Variants in SLC26A4 observed in about 807,000 individuals in gnomAD.
The protein encoded by SLC26A4 is solute carrier family 26 member 4.
In SLC26A4, 93 loss-of-function variants were observed where a neutral mutation model predicts 90.4. That is an observed-to-expected ratio of 1.03 (90% CI 0.87 to 1.22). The LOEUF (loss-of-function observed/expected upper bound fraction) is 1.22, where lower values mean the gene tolerates loss of function less well. Ranked by LOEUF, SLC26A4 falls within the 50% of genes most tolerant of loss-of-function variation. The pLI is 0.00. For synonymous variants in SLC26A4, 393 were observed against 354.6 expected (o/e 1.11, Z -1.22); for missense variants, 1,127 against 946.2 (o/e 1.19, Z -2.51).
At chr7:107,693,639 C>T (rs1054544151) in intron 10 of SLC26A4, 1 of 985,800 alleles carries the variant, frequency 1.0e-6, no homozygotes, top group African/African-American at 1.7e-5. Context: ...TAGTCCCCAC[C>T]CCCTCAGCCT....
At chr7:107,706,897 C>T (rs1045440459) in intron 18 of SLC26A4, among the ~76,000 whole-genome samples, 6 of 152,114 alleles carry the variant, frequency 3.9e-5, no homozygotes, top group Non-Finnish European at 8.8e-5. Flanking sequence ...AGGCTGGGTG[C>T]GGTGGCTCAC....
Position 107,694,731 on chromosome 7 carries a change from A to C in SLC26A4, c.1437+15A>C, listed in dbSNP as rs750780389. 1 of 1,524,406 alleles carries C rather than the reference A, an allele frequency of 6.6e-7. No homozygotes were observed. The highest frequency in any genetic ancestry group is 2.2e-5 in the East Asian group (1 of 44,472). 94.4% of individuals were successfully genotyped at this position (1,524,406 alleles called of 1,614,324 possible). The stretch of plus-strand genomic sequence containing the variant: ...AGATTGATGCTGTAAGTCACCTACC[A>C]CCTATATTTATCTGAAATAAGATTT... On this transcript the variant is annotated intron_variant, in intron 12 of 20. Transcript: ENST00000644269.
At chr7:107,703,611 T>G (rs2129318629) in intron 17 of SLC26A4, among the ~76,000 whole-genome samples, 1 of 152,318 alleles carries the variant, frequency 6.6e-6, no homozygotes, top group Non-Finnish European at 1.5e-5. Context: ...GGGGACAGTC[T>G]TAACATATTT....
At chr7:107,666,459 T>A (rs2129309968) in intron 3 of SLC26A4, among the ~76,000 whole-genome samples, 1 of 152,266 alleles carries the variant, frequency 6.6e-6, no homozygotes, top group Non-Finnish European at 1.5e-5. Context: ...TAGGCTCAAG[T>A]TATCTGCCTG....
intron 8 of SLC26A4, among the ~76,000 whole-genome samples, chr7:107,686,405 T>TTC (rs1554357993): frequency 4.1e-4 from 34 of 82,522 alleles, no homozygotes; most frequent in Admixed American, 1.3e-3. Context: ...TCTCTCTCTT[T>TTC]TTTCTTTCTT....
At position 107,683,522 on chromosome 7, in the gene SLC26A4, A is replaced by T; in HGVS notation, c.986A>T (p.Lys329Ile). 6.2e-7 allele frequency: 1 copy of T among 1,613,594 alleles called. No individual in the cohort carries two copies. The highest frequency in any genetic ancestry group is 8.5e-7 in the Non-Finnish European group (1 of 1,179,628). The change falls in exon 8 of 21, where the codon AAA (lysine) becomes ATA (isoleucine). Residue 329 changes from lysine (K) to isoleucine (I), a missense_variant. Transcript: ENST00000644269. ...LEKNYNAGIV[K>I]SIPRGFLPPE... is the part of the protein sequence containing the mutation. ...AAAAATTACAATGCTGGCATTGTTAAATCCATCCCAAGGGGGTGAGTGTGG... is the reference window on the plus strand; with the variant it reads ...AAAAATTACAATGCTGGCATTGTTATATCCATCCCAAGGGGGTGAGTGTGG...
intron 13 of SLC26A4, among the ~76,000 whole-genome samples, chr7:107,696,836 C>T (rs531946282): frequency 3.3e-5 from 5 of 152,296 alleles, no homozygotes; most frequent in African/African-American, 1.2e-4. Flanking sequence ...TCTCTCCCTC[C>T]TCAATGTGTC....
intron 18 of SLC26A4, among the ~76,000 whole-genome samples, chr7:107,706,574 C>G (rs1422970679): frequency 6.6e-6 from 1 of 152,160 alleles, no homozygotes; most frequent in Non-Finnish European, 1.5e-5. Context: ...CCTGATGTAT[C>G]TAATATCTTG....
chr7:107,662,132 T>C, intron 2 of SLC26A4: 1 of 396,390 alleles, frequency 2.5e-6, no homozygotes, highest in South Asian at 3.7e-5. Context: ...CCCTGTTGCC[T>C]TCTTGGGAGC....
At chr7:107,676,549 G>A (rs1046435987) in intron 6 of SLC26A4, among the ~76,000 whole-genome samples, 2 of 152,300 alleles carry the variant, frequency 1.3e-5, no homozygotes, top group East Asian at 1.9e-4. Context: ...TCTACATAAA[G>A]CATGTTATTG....
At chr7:107,678,628 A>T (rs1382482264) in intron 6 of SLC26A4, among the ~76,000 whole-genome samples, 2 of 152,162 alleles carry the variant, frequency 1.3e-5, no homozygotes, top group Non-Finnish European at 2.9e-5. Flanking sequence ...TTGAAATCTC[A>T]GTTTAGCATA....
At chr7:107,709,795 A>C (rs1307037541) in intron 18 of SLC26A4, among the ~76,000 whole-genome samples, 1 of 152,224 alleles carries the variant, frequency 6.6e-6, no homozygotes, top group Non-Finnish European at 1.5e-5. Flanking sequence ...AATAAATAAA[A>C]GGAGGAGCTA....
rs977153959 is a variant in SLC26A4, at chr7:107,661,397, C to A, written c.-3-242C>A. ...TACTCGCTTCAAGTTTGGGGAACCCCGGGCAGCGGGTGCAGGCCACGAGAC... is the reference window on the plus strand; with the variant it reads ...TACTCGCTTCAAGTTTGGGGAACCCAGGGCAGCGGGTGCAGGCCACGAGAC... On this transcript the variant is annotated intron_variant, in intron 1 of 20. Coordinates refer to ENST00000644269, the MANE Select transcript of SLC26A4 (RefSeq NM_000441.2). This position sits in a 1 kb window ranked among gnomAD's most constrained non-coding sequence, Gnocchi z 5.1. 1.7e-5 allele frequency: 10 copies of A among 590,764 alleles called. No homozygotes were observed. Among genetic ancestry groups the A allele is most frequent in the Admixed American group, 3.0e-5 (1 of 33,766 alleles). The allele number at this position is 590,764 out of a possible 1,614,324, so 36.6% of individuals were successfully genotyped here. A position where few individuals can be genotyped will look rare whatever the true frequency, so the allele number is the denominator to read the frequency against.
intron 19 of SLC26A4, among the ~76,000 whole-genome samples, chr7:107,711,537 C>T (rs1303666423): frequency 6.6e-6 from 1 of 152,134 alleles, no homozygotes. Context: ...TAACGGAATG[C>T]TTGTATTACA....
intron 10 of SLC26A4, 22 bp downstream of exon 10, chr7:107,690,259 T>C (rs554485374): frequency 5.3e-6 from 7 of 1,331,438 alleles, no homozygotes; most frequent in Non-Finnish European, 7.6e-6. Context: ...AGCCTTATGA[T>C]ATCCATCTCA....
chr7:107,693,731 A>G lies in SLC26A4; in HGVS notation c.1264-672A>G, dbSNP rs540791421. On this transcript the variant is annotated intron_variant, in intron 10 of 20. Coordinates refer to ENST00000644269, the MANE Select transcript of SLC26A4 (RefSeq NM_000441.2). ...TCTGAAGCTTCCTTTTACCCCTGCTATTGCCCCGTTACTCCATAGTCACTG... is the reference window on the plus strand; with the variant it reads ...TCTGAAGCTTCCTTTTACCCCTGCTGTTGCCCCGTTACTCCATAGTCACTG... 2,437 of 992,322 alleles carry G rather than the reference A, an allele frequency of 2.5e-3. 6 individuals carry two copies. Among genetic ancestry groups the G allele is most frequent in the Non-Finnish European group, 2.8e-3 (2,347 of 833,470 alleles). The allele number at this position is 992,322 out of a possible 1,614,324, so 61.5% of individuals were successfully genotyped here.
chr7:107,662,856 A>G (rs1790599073), intron 2 of SLC26A4, among the ~76,000 whole-genome samples: 1 of 152,184 alleles, frequency 6.6e-6, no homozygotes, highest in Admixed American at 6.5e-5. Flanking sequence ...TCATGCTAAG[A>G]TTTTTGTAAA....
rs1791909449 is a variant in SLC26A4 at position 107,702,063 on chromosome 7, G to T, written c.2034+6G>T. On this transcript the variant is annotated splice_donor_region_variant and intron_variant, in intron 17 of 20. Transcript: ENST00000644269. Reference sequence around the variant, plus strand: ...GAGTGAGATCACTGCGGGTGGTAAGGTTCTGGTTTTCTGAATTATACATTT... The same window carrying T: ...GAGTGAGATCACTGCGGGTGGTAAGTTTCTGGTTTTCTGAATTATACATTT... 2 of 1,585,258 alleles carry T rather than the reference G, an allele frequency of 1.3e-6. No homozygotes were observed. The highest frequency in any genetic ancestry group is 1.7e-6 in the Non-Finnish European group (2 of 1,153,850).
At chr7:107,704,489 CT>C (rs1357999316) in intron 18 of SLC26A4, 104 bp downstream of exon 18, 4 of 585,918 alleles carry the variant, frequency 6.8e-6, no homozygotes, top group Non-Finnish European at 1.2e-5. Context: ...TTTTTTTTTT[CT>C]TTTAAAGATC....
Sources: allele counts gnomAD v4.1 joint callset (sites outside exome capture counted in the v4.1 genomes callset), GRCh38; gene constraint gnomAD v4.1.1; non-coding constraint Gnocchi (gnomAD v3.1); transcripts MANE v1.5; gene names NCBI Gene and HGNC (gene_info 2026-07-23, HGNC 2026-07-21).